Variants in PRL observed in about 807,000 individuals in gnomAD.
PRL encodes prolactin.
A neutral mutation model predicts 21.3 loss-of-function variants in PRL; 24 were observed. The ratio of observed to expected loss-of-function variants is 1.13; its 90% CI spans 0.82 to 1.59. The LOEUF is 1.59. Ranked by LOEUF, PRL falls within the 40% of genes most tolerant of loss-of-function variation. The probability of loss-of-function intolerance (pLI) is 0.00; values close to 1 mark genes in which losing one functional copy is unlikely to be tolerated. For missense variants in PRL, 243 were observed against 286.9 expected, an observed-to-expected ratio of 0.85 and a Z score of 1.10; for synonymous variants, 118 against 115.7, an observed-to-expected ratio of 1.02 and a Z score of -0.13.
Position 22,294,574 on chromosome 6 carries a change from C to G in PRL, c.39G>C (p.Leu13=). ...GGAGCAGGTTTGACACCAGCAGCAG[C>G]AGGAGGGACCCTGCTTAAATAAGAA... ...IKGSPWKGSL[L]LLLVSNLLLC... The change falls in exon 2 of 5, where the codon CTG becomes CTC. Residue 13 remains leucine (L), a synonymous_variant. Transcript: ENST00000306482. The G allele has an allele frequency of 6.3e-7, 1 of 1,588,852 alleles. No individual in the cohort carries two copies. Among genetic ancestry groups the G allele is most frequent in the Non-Finnish European group, 8.6e-7 (1 of 1,167,892 alleles).
intron 4 of PRL, 63 bp downstream of exon 4, chr6:22,290,111 T>C (rs992639366): frequency 2.2e-6 from 3 of 1,367,084 alleles, no homozygotes; most frequent in African/African-American, 2.9e-5. Context: ...GAAATATTTA[T>C]CATCACAGAG....
chr6:22,296,580 CT>C (rs1221780946), intron 1 of PRL, among the ~76,000 whole-genome samples: 1 of 152,200 alleles, frequency 6.6e-6, no homozygotes, highest in Non-Finnish European at 1.5e-5. Context: ...GTTTCTCAAT[CT>C]TGATATTATT....
At chr6:22,297,039 T>C, upstream of PRL, 2 of 1,588,650 alleles carry the variant, frequency 1.3e-6, no homozygotes, top group South Asian at 2.2e-5. Context: ...AGTCTCACGG[T>C]TTTCTCTTTC....
chr6:22,287,642 G>T, intron 4 of PRL, 49 bp from the exon 5 acceptor site: 1 of 1,433,806 alleles, frequency 7.0e-7, no homozygotes, highest in Non-Finnish European at 9.4e-7. Context: ...ATTAGTATTT[G>T]TATGTCCTTG....
chr6:22,291,391 G>A (rs1455527592), intron 3 of PRL, among the ~76,000 whole-genome samples: 1 of 152,138 alleles, frequency 6.6e-6, no homozygotes, highest in African/African-American at 2.4e-5. Flanking sequence ...CTGAGCCTCA[G>A]TTTCCTTATC....
Position 22,290,215 on chromosome 6 carries a change from T to C in PRL, c.451A>G (p.Thr151Ala). 6.2e-7 allele frequency: 1 copy of C among 1,604,758 alleles called. No individual in the cohort carries two copies. Among genetic ancestry groups the C allele is most frequent in the Non-Finnish European group, 8.5e-7 (1 of 1,173,440 alleles). The stretch of plus-strand genomic sequence containing the variant: ...TCCATGCCCTCTAGAAGCCGTTTGG[T>C]TTGCTCCTCAATCTCTACAGCTTTG... ...LSKAVEIEEQTKRLLEGMELI... is the reference protein window; with the variant it reads ...LSKAVEIEEQAKRLLEGMELI... Residue 151 changes from threonine (T) to alanine (A), a missense_variant, in exon 4 of 5, where the codon ACC (threonine) becomes GCC (alanine). Transcript: ENST00000306482.
chr6:22,290,463 A>G (rs890063962), intron 3 of PRL, 110 bp from the exon 4 acceptor site: 5 of 860,770 alleles, frequency 5.8e-6, no homozygotes, highest in Admixed American at 6.5e-5. Flanking sequence ...TTTTATTCCT[A>G]TGTGTAGGTA....
At chr6:22,299,909 A>G (rs1761252636), upstream of PRL, among the ~76,000 whole-genome samples, 1 of 152,222 alleles carries the variant, frequency 6.6e-6, no homozygotes, top group African/African-American at 2.4e-5. Flanking sequence ...AGGGATATTA[A>G]AGAGTGAAAG....
chr6:22,302,465 A>T (rs1323907317), upstream of PRL, among the ~76,000 whole-genome samples: 5 of 152,220 alleles, frequency 3.3e-5, no homozygotes, highest in Non-Finnish European at 5.9e-5. Context: ...TTAAATGCTT[A>T]TGTACAAGTG....
At chr6:22,291,220 A>T (rs1034135052) in intron 3 of PRL, among the ~76,000 whole-genome samples, 1 of 151,948 alleles carries the variant, frequency 6.6e-6, no homozygotes, top group Admixed American at 6.6e-5. Flanking sequence ...AGAGGATATG[A>T]AAGAAATGAG....
At chr6:22,290,032 T>G in intron 4 of PRL, 142 bp downstream of exon 4, 1 of 722,202 alleles carries the variant, frequency 1.4e-6, no homozygotes, top group East Asian at 3.0e-5. Flanking sequence ...TGACTATGAA[T>G]GACTAGGCTC....
intron 2 of PRL, 95 bp from the exon 3 acceptor site, chr6:22,292,740 T>A: frequency 1.0e-6 from 1 of 985,384 alleles, no homozygotes; most frequent in Non-Finnish European, 1.5e-6. Flanking sequence ...GGCAGATGTG[T>A]AATTTTAAAA....
At position 22,292,577 on chromosome 6, in the gene PRL, A is replaced by C; in HGVS notation, c.273T>G (p.Leu91=). ...KAINSCHTSS[L]ATPEDKEQAQ... The stretch of plus-strand genomic sequence containing the variant: ...CTTGCTCCTTGTCTTCGGGGGTGGC[A>C]AGGGAAGAAGTGTGGCAGCTGTTGA... Residue 91 remains leucine (L), a synonymous_variant, in exon 3 of 5, where the codon CTT becomes CTG. Transcript: ENST00000306482. 3 of 1,614,132 alleles carry C rather than the reference A, an allele frequency of 1.9e-6. No individual in the cohort carries two copies. Among genetic ancestry groups the C allele is most frequent in the South Asian group, 2.2e-5 (2 of 91,080 alleles).
chr6:22,292,503 G>C, intron 3 of PRL, 35 bp downstream of exon 3: 1 of 1,583,014 alleles, frequency 6.3e-7, no homozygotes, highest in Non-Finnish European at 8.7e-7. Context: ...TACTGCCTTG[G>C]TTGTTTTGGT....
At chr6:22,287,857 G>A (rs1307928223) in intron 4 of PRL, among the ~76,000 whole-genome samples, 2 of 152,128 alleles carry the variant, frequency 1.3e-5, no homozygotes, top group Non-Finnish European at 2.9e-5. Flanking sequence ...ATGAAGAACT[G>A]GAAAGGTACT....
upstream of PRL, among the ~76,000 whole-genome samples, chr6:22,300,955 G>A (rs145027892): frequency 3.9e-5 from 6 of 152,298 alleles, no homozygotes; most frequent in Non-Finnish European, 8.8e-5. Flanking sequence ...ATAAAATAAT[G>A]CCAGATTTAA....
At position 22,290,346 on chromosome 6, in the gene PRL, T is replaced by G. The variant is rs1375758530; in HGVS notation, c.320A>C (p.Asp107Ala). Residue 107 changes from aspartate to alanine, a missense_variant, in exon 4 of 5, where the codon GAC becomes GCC. Coordinates refer to ENST00000306482, the MANE Select transcript of PRL (RefSeq NM_000948.6). ...TATGCTGACTATCAGGCTCAGAAAGTCTTTTTGCTACGAAACCATATAGAA... is the reference window on the plus strand; with the variant it reads ...TATGCTGACTATCAGGCTCAGAAAGGCTTTTTGCTACGAAACCATATAGAA... Reference protein sequence around the residue: ...KEQAQQMNQKDFLSLIVSILR... With the variant: ...KEQAQQMNQKAFLSLIVSILR... 2 of 1,586,310 alleles carry G rather than the reference T, an allele frequency of 1.3e-6. No individual in the cohort carries two copies. The highest frequency in any genetic ancestry group is 1.7e-6 in the Non-Finnish European group (2 of 1,160,400).
At chr6:22,291,890 A>T (rs1761057228) in intron 3 of PRL, among the ~76,000 whole-genome samples, 1 of 152,230 alleles carries the variant, frequency 6.6e-6, no homozygotes, top group African/African-American at 2.4e-5. Context: ...TACATGATTG[A>T]GGCTTGATAT....
chr6:22,294,421 C>A lies in PRL; in HGVS notation c.192G>T (p.Met64Ile). Residue 64 changes from methionine (M) to isoleucine (I), a missense_variant, in exon 2 of 5, where the codon ATG becomes ATT. Met to Ile is a conservative substitution (Grantham distance 10). Coordinates refer to ENST00000306482, the MANE Select transcript of PRL (RefSeq NM_000948.6). ...SHYIHNLSSE[M>I]FSEFDKRYTH... ...GCATGGTACTTACGAATTCGCTGAA[C>A]ATTTCTGAGGAGAGGTTATGGATGT... is the stretch of plus-strand genomic sequence containing the variant. 1 of 1,614,120 alleles carries A rather than the reference C, an allele frequency of 6.2e-7. No individual in the cohort carries two copies. Among genetic ancestry groups the A allele is most frequent in the Non-Finnish European group, 8.5e-7 (1 of 1,180,022 alleles).
Sources: gnomAD v4.1 joint callset for allele counts (sites outside exome capture counted in the v4.1 genomes callset) on GRCh38, gnomAD v4.1.1 for gene constraint, MANE v1.5 for transcripts, NCBI Gene and HGNC (gene_info 2026-07-23, HGNC 2026-07-21) for gene names.